PTPRC: variants seen among roughly 807,000 people sequenced by gnomAD.
The protein encoded by PTPRC is receptor-type tyrosine-protein phosphatase C.
PTPRC carries 44 observed loss-of-function variants against 155.9 expected under a neutral mutation model. The observed-to-expected ratio is 0.28, with a 90% CI of 0.22 to 0.36. The LOEUF is 0.36. PTPRC is among the 10% of genes least tolerant of loss of function. PTPRC has a pLI of 1.00. For missense variants in PTPRC, 1,401 were observed against 1,564.6 expected, an observed-to-expected ratio of 0.90 and a Z score of 1.76; for synonymous variants, 525 against 533.1, an observed-to-expected ratio of 0.98 and a Z score of 0.21.
chr1:198,694,765 C>A (rs1666112576), intron 3 of PTPRC: 1 of 946,700 alleles, frequency 1.1e-6, no homozygotes, highest in Non-Finnish European at 1.3e-6. Flanking sequence ...TTTCTCCCAC[C>A]CCCTTTTCTT....
At chr1:198,689,404 C>A (rs964321511) in intron 2 of PTPRC, among the ~76,000 whole-genome samples, 1 of 152,248 alleles carries the variant, frequency 6.6e-6, no homozygotes, top group African/African-American at 2.4e-5. Context: ...TTATAATTTT[C>A]TTTTATGAAA....
At chr1:198,658,620 T>C (rs763153123) in intron 2 of PTPRC, among the ~76,000 whole-genome samples, 5 of 152,186 alleles carry the variant, frequency 3.3e-5, no homozygotes, top group Admixed American at 2.0e-4. Context: ...AAGTTTTCTA[T>C]GCCGGCTCTG....
chr1:198,734,183 G>T lies in PTPRC; in HGVS notation c.2143-13G>T. 6.2e-7 allele frequency: 1 copy of T among 1,608,234 alleles called. No individual in the cohort carries two copies. The highest frequency in any genetic ancestry group is 8.5e-7 in the Non-Finnish European group (1 of 1,176,604). On this transcript the variant is annotated splice_polypyrimidine_tract_variant and intron_variant, in intron 20 of 32. Transcript: ENST00000442510. ...TTCAGCAAATGACATATCTCTGCATGTGTTTTCAATAGGGTTTCAAAGAAC... is the reference window on the plus strand; with the variant it reads ...TTCAGCAAATGACATATCTCTGCATTTGTTTTCAATAGGGTTTCAAAGAAC...
chr1:198,667,962 A>AAATT (rs1664414791), intron 2 of PTPRC, among the ~76,000 whole-genome samples: 3 of 152,244 alleles, frequency 2.0e-5, no homozygotes, highest in Non-Finnish European at 4.4e-5. Context: ...CAATGTTAGA[A>AAATT]AATTGCATGT....
At chr1:198,717,984 A>G in intron 13 of PTPRC, 110 bp from the exon 14 acceptor site, 2 of 899,938 alleles carry the variant, frequency 2.2e-6, no homozygotes, top group Non-Finnish European at 3.5e-6. Flanking sequence ...CCTTATTTAT[A>G]ACCCCCAAGC....
At chr1:198,741,159 T>A (rs1197039984) in intron 23 of PTPRC, among the ~76,000 whole-genome samples, 2 of 151,904 alleles carry the variant, frequency 1.3e-5, no homozygotes, top group East Asian at 3.9e-4. Context: ...TTACTGGTGT[T>A]AATTAACTCA....
At chr1:198,657,587 T>TAAA (rs1663667017) in intron 2 of PTPRC, 1 of 152,340 alleles carries the variant, frequency 6.6e-6, no homozygotes, top group African/African-American at 2.4e-5. Flanking sequence ...TTGCTGCTTT[T>TAAA]GGGCTCTGAC....
intron 25 of PTPRC, 127 bp from the exon 26 acceptor site, chr1:198,743,927 T>G (rs1031198639): frequency 2.3e-6 from 2 of 870,894 alleles, no homozygotes; most frequent in African/African-American, 3.4e-5. Flanking sequence ...ATTATAGATA[T>G]CAATTTACTT....
intron 2 of PTPRC, among the ~76,000 whole-genome samples, chr1:198,689,927 C>G (rs527465246): frequency 6.6e-6 from 1 of 152,138 alleles, no homozygotes; most frequent in Admixed American, 6.5e-5. Flanking sequence ...TAAGCTTATC[C>G]AGGGCAAGGG....
rs544775235 is a variant in PTPRC at position 198,666,518 on chromosome 1, G to A, written c.74-25829G>A. Among the ~76,000 whole-genome samples the A allele has an allele frequency of 4.3e-4, 66 of 152,160 alleles. 1 individual carries two copies. The highest frequency in any genetic ancestry group is 7.6e-4 in the Non-Finnish European group (52 of 68,014). ...AACCATGTTAGATGCTATAGTAAATGTAAAAATAAAGGGTCTGTTAATCTA... is the reference window on the plus strand; with the variant it reads ...AACCATGTTAGATGCTATAGTAAATATAAAAATAAAGGGTCTGTTAATCTA... On this transcript the variant is annotated intron_variant, in intron 2 of 32. Coordinates refer to ENST00000442510, the MANE Select transcript of PTPRC (RefSeq NM_002838.5).
intron 2 of PTPRC, among the ~76,000 whole-genome samples, chr1:198,642,844 A>G (rs567854883): frequency 3.3e-5 from 5 of 151,486 alleles, no homozygotes; most frequent in Non-Finnish European, 5.9e-5. Flanking sequence ...AACTGGTTCC[A>G]CTAATGATCT....
In PTPRC at chr1:198,754,256, CT is replaced by C; in HGVS notation, c.3510-10del. Reference sequence around the variant, plus strand: ...GAAGTAGGATTATTTTCTATCTTTTCTTTCTTTTATAGGGATGGATCTCAGC... The same window carrying C: ...GAAGTAGGATTATTTTCTATCTTTTCTTCTTTTATAGGGATGGATCTCAGC... On this transcript the variant is annotated splice_polypyrimidine_tract_variant and intron_variant, in intron 31 of 32. Transcript: ENST00000442510. 6.2e-7 allele frequency: 1 copy of C among 1,602,596 alleles called. No homozygotes were observed. Among genetic ancestry groups the C allele is most frequent in the Non-Finnish European group, 8.5e-7 (1 of 1,170,690 alleles).
At chr1:198,714,356 T>A (rs780605590) in intron 12 of PTPRC, among the ~76,000 whole-genome samples, 1 of 152,166 alleles carries the variant, frequency 6.6e-6, no homozygotes, top group Non-Finnish European at 1.5e-5. Flanking sequence ...AAACTGTATT[T>A]CCACTGTATT....
chr1:198,672,680 G>C (rs1664717124), intron 2 of PTPRC, among the ~76,000 whole-genome samples: 1 of 151,646 alleles, frequency 6.6e-6, no homozygotes, highest in Non-Finnish European at 1.5e-5. Flanking sequence ...TAGAGATGGG[G>C]TTTCACCATG....
intron 15 of PTPRC, among the ~76,000 whole-genome samples, chr1:198,728,087 C>A (rs1654223212): frequency 1.3e-5 from 2 of 151,994 alleles, no homozygotes; most frequent in South Asian, 4.2e-4. Context: ...ATTATTTAAT[C>A]AAAAGAAAGA....
intron 2 of PTPRC, among the ~76,000 whole-genome samples, chr1:198,640,524 T>C (rs1029140883): frequency 6.6e-6 from 1 of 151,944 alleles, no homozygotes; most frequent in African/African-American, 2.4e-5. Context: ...ATTGCAAAGG[T>C]GAATTTTTTA....
chr1:198,679,712 C>A, intron 2 of PTPRC: 1 of 375,252 alleles, frequency 2.7e-6, no homozygotes. Context: ...CTGTGCCCTC[C>A]GGAGGCCCGA....
chr1:198,696,350 A>G (rs1666204069), intron 3 of PTPRC, among the ~76,000 whole-genome samples: 1 of 151,624 alleles, frequency 6.6e-6, no homozygotes, highest in Admixed American at 6.6e-5. Flanking sequence ...CTTTACCATT[A>G]TGCTTCATCC....
chr1:198,749,256 C>T (rs1235046367), intron 27 of PTPRC, among the ~76,000 whole-genome samples, 160 bp from the exon 28 acceptor site: 2 of 151,540 alleles, frequency 1.3e-5, no homozygotes, highest in African/African-American at 2.4e-5. Context: ...ATTTGTTTAT[C>T]GACAAGTACT....
Sources: allele counts gnomAD v4.1 joint callset (sites outside exome capture counted in the v4.1 genomes callset), GRCh38; gene constraint gnomAD v4.1.1; transcripts MANE v1.5; gene names NCBI Gene and HGNC (gene_info 2026-07-23, HGNC 2026-07-21).